Variants in ATP8B4 observed in about 807,000 individuals in gnomAD.
The protein encoded by ATP8B4 is ATPase phospholipid transporting 8B4 (putative).
ATP8B4 carries 133 observed loss-of-function variants against 145.6 expected under a neutral mutation model. The ratio of observed to expected loss-of-function variants is 0.91; its 90% CI spans 0.79 to 1.05. The LOEUF is 1.05. ATP8B4 is among the 50% of genes least tolerant of loss of function. ATP8B4 has a pLI of 0.00. For missense variants in ATP8B4, 1,458 were observed against 1,425.2 expected (o/e 1.02, Z -0.37); for synonymous variants, 507 against 492.9 (o/e 1.03, Z -0.38).
chr15:50,099,046 C>T lies in ATP8B4; in HGVS notation c.28+7893G>A, dbSNP rs182861746. Among the ~76,000 whole-genome samples the T allele has an allele frequency of 6.0e-3, 914 of 152,230 alleles. 3 individuals carry two copies. The highest frequency in any genetic ancestry group is 8.4e-3 in the Admixed American group (128 of 15,288). ...AGCCCACAGAAGACATACACAGCCC[C>T]GGTCTGATTCATCCTACCCTACACC... is the stretch of plus-strand genomic sequence containing the variant. On this transcript the variant is annotated intron_variant, in intron 2 of 27. Transcript: ENST00000284509.
At chr15:50,161,794 A>G (rs1179341695) in intron 1 of ATP8B4, among the ~76,000 whole-genome samples, 1 of 151,942 alleles carries the variant, frequency 6.6e-6, no homozygotes, top group African/African-American at 2.4e-5. Flanking sequence ...GAGTTTTCAC[A>G]CCACAATTAT....
chr15:50,082,340 T>C (rs904341052), intron 2 of ATP8B4, among the ~76,000 whole-genome samples: 4 of 152,140 alleles, frequency 2.6e-5, no homozygotes, highest in Non-Finnish European at 4.4e-5. Flanking sequence ...CTGGAACTTA[T>C]TGACATTTAA....
Position 49,920,247 on chromosome 15 carries a change from A to G in ATP8B4, c.1922T>C (p.Met641Thr). 3 of 1,613,872 alleles carry G rather than the reference A, an allele frequency of 1.9e-6. No individual in the cohort carries two copies. Among genetic ancestry groups the G allele is most frequent in the Non-Finnish European group, 2.5e-6 (3 of 1,179,844 alleles). The change falls in exon 18 of 28, where the codon ATG (methionine) becomes ACG (threonine). Residue 641 changes from methionine to threonine, a missense_variant and splice_region_variant. Transcript: ENST00000284509. ...ACCATCATGCTTCTAAACTCATACC[A>G]TCAAATCTCTTTCAATTTCTTCATA... ...GLYEEIERDL[M>T]LLGATAVEDK...
chr15:50,106,961 G>A lies in ATP8B4; in HGVS notation c.6C>T (p.Phe2=). M[F]CSEKKLREVE... ...TACCACGCAATTTCTTTTCACTGCA[G>A]AACATTATTATACCTGATCTTTCAC... The change falls in exon 2 of 28, where the codon TTC becomes TTT. Residue 2 remains phenylalanine (F), a synonymous_variant. Coordinates refer to ENST00000284509, the MANE Select transcript of ATP8B4 (RefSeq NM_024837.4). 6.3e-7 allele frequency: 1 copy of A among 1,598,204 alleles called. No homozygotes were observed. Among genetic ancestry groups the A allele is most frequent in the Non-Finnish European group, 8.5e-7 (1 of 1,173,518 alleles).
chr15:50,104,752 T>C (rs1291065447), intron 2 of ATP8B4, among the ~76,000 whole-genome samples: 1 of 152,024 alleles, frequency 6.6e-6, no homozygotes, highest in Admixed American at 6.6e-5. Flanking sequence ...GAAGTCATTA[T>C]ACAAAAAAGA....
intron 9 of ATP8B4, among the ~76,000 whole-genome samples, chr15:49,996,079 A>G (rs118032941): frequency 0.021 from 3,254 of 152,288 alleles, 52 homozygotes; most frequent in Non-Finnish European, 0.033. Flanking sequence ...AAGAGAGATT[A>G]TACTGAAGAT....
At chr15:49,991,145 C>T (rs1264336414) in intron 9 of ATP8B4, among the ~76,000 whole-genome samples, 1 of 152,124 alleles carries the variant, frequency 6.6e-6, no homozygotes, top group Non-Finnish European at 1.5e-5. Flanking sequence ...AATAGGAAAG[C>T]TATCTGGTAA....
rs557930916 is a variant in ATP8B4, at chr15:49,929,576, T to C, written c.1642+1543A>G. ...AGCTGTATAAGAAGGTCACAGAATATAAGCAATAGCTACCACCATGTATGT... is the reference window on the plus strand; with the variant it reads ...AGCTGTATAAGAAGGTCACAGAATACAAGCAATAGCTACCACCATGTATGT... On this transcript the variant is annotated intron_variant, in intron 16 of 27. Coordinates refer to ENST00000284509, the MANE Select transcript of ATP8B4 (RefSeq NM_024837.4). 4.6e-5 allele frequency among the ~76,000 whole-genome samples: 7 copies of C among 152,102 alleles called. No individual in the cohort carries two copies. In the South Asian group the frequency reaches 1.5e-3, roughly 32 times the overall value.
chr15:49,950,979 G>C (rs1650478614), intron 14 of ATP8B4, among the ~76,000 whole-genome samples: 1 of 152,138 alleles, frequency 6.6e-6, no homozygotes, highest in African/African-American at 2.4e-5. Flanking sequence ...GAAGCAGGTT[G>C]TTTAATTTCC....
chr15:49,880,402 T>C (rs1265872009), intron 23 of ATP8B4: 4 of 152,202 alleles, frequency 2.6e-5, no homozygotes, highest in Admixed American at 2.6e-4. Flanking sequence ...TCCACTATGC[T>C]CAGAGAACAG....
intron 1 of ATP8B4, among the ~76,000 whole-genome samples, chr15:50,173,893 A>C (rs2044725324): frequency 6.6e-6 from 1 of 152,188 alleles, no homozygotes; most frequent in African/African-American, 2.4e-5. Context: ...TAAAATCCTT[A>C]ACAAAATACT....
chr15:50,064,314 C>G (rs1379923932), intron 3 of ATP8B4, among the ~76,000 whole-genome samples: 1 of 152,114 alleles, frequency 6.6e-6, no homozygotes, highest in East Asian at 1.9e-4. Flanking sequence ...AAGGAGGACA[C>G]ATAAAACCCA....
At chr15:49,912,125 C>A (rs1026785148) in intron 20 of ATP8B4, among the ~76,000 whole-genome samples, 23 of 151,208 alleles carry the variant, frequency 1.5e-4, no homozygotes, top group African/African-American at 5.6e-4. Context: ...CTGAAAGAAC[C>A]CGAAAAGCAA....
intron 1 of ATP8B4, among the ~76,000 whole-genome samples, chr15:50,166,700 A>G (rs1481929752): frequency 2.0e-5 from 3 of 152,206 alleles, no homozygotes; most frequent in Non-Finnish European, 4.4e-5. Flanking sequence ...CTGGGCTACC[A>G]GATTTGTTAT....
chr15:50,116,443 A>T (rs900325579), intron 1 of ATP8B4, among the ~76,000 whole-genome samples: 1 of 152,168 alleles, frequency 6.6e-6, no homozygotes, highest in African/African-American at 2.4e-5. Flanking sequence ...ATGAAAAAAT[A>T]ATGTATTTAG....
intron 2 of ATP8B4, among the ~76,000 whole-genome samples, chr15:50,086,398 T>A (rs180865137): frequency 0.087 from 2,496 of 28,596 alleles, 371 homozygotes; most frequent in South Asian, 0.14. Context: ...GATCTATATT[T>A]ATTATATATA....
At chr15:49,890,687 T>C (rs978768291) in intron 23 of ATP8B4, among the ~76,000 whole-genome samples, 2 of 152,204 alleles carry the variant, frequency 1.3e-5, no homozygotes, top group Non-Finnish European at 2.9e-5. Context: ...ATATTGTCCT[T>C]AGAAAAACAG....
At chr15:50,087,232 TTATA>T (rs1421019737) in intron 2 of ATP8B4, among the ~76,000 whole-genome samples, 1 of 133,016 alleles carries the variant, frequency 7.5e-6, no homozygotes, top group African/African-American at 2.8e-5. Context: ...TCTATATTTA[TTATA>T]TATAATAGAA....
chr15:50,085,742 T>C (rs1005123434), intron 2 of ATP8B4, among the ~76,000 whole-genome samples: 3 of 149,186 alleles, frequency 2.0e-5, no homozygotes, highest in Non-Finnish European at 4.4e-5. Flanking sequence ...GTACAAGGAG[T>C]ATCAAGTAAA....
Sources: allele counts gnomAD v4.1 joint callset (sites outside exome capture counted in the v4.1 genomes callset), GRCh38; gene constraint gnomAD v4.1.1; transcripts MANE v1.5; gene names NCBI Gene and HGNC (gene_info 2026-07-23, HGNC 2026-07-21).